Variants in ANKRD44 observed in about 807,000 individuals in gnomAD.
ANKRD44 encodes serine/threonine-protein phosphatase 6 regulatory ankyrin repeat subunit B.
In ANKRD44, 35 loss-of-function variants were observed where a neutral mutation model predicts 116.0. The ratio of observed to expected loss-of-function variants is 0.30; its 90% CI spans 0.23 to 0.40. The LOEUF (loss-of-function observed/expected upper bound fraction) is 0.40, where lower values mean the gene tolerates loss of function less well. ANKRD44 is among the 10% of genes least tolerant of loss of function. ANKRD44 has a pLI of 1.00. For synonymous variants in ANKRD44, 435 were observed against 461.8 expected, an observed-to-expected ratio of 0.94 and a Z score of 0.74; for missense variants, 1,014 against 1,242.6, an observed-to-expected ratio of 0.82 and a Z score of 2.77.
chr2:197,103,621 T>C (rs1212757251), intron 9 of ANKRD44, among the ~76,000 whole-genome samples: 1 of 152,216 alleles, frequency 6.6e-6, no homozygotes, highest in Non-Finnish European at 1.5e-5. Flanking sequence ...GGATAAGTAA[T>C]ATAAATATGA....
chr2:197,012,531 C>A (rs73049623), intron 18 of ANKRD44, among the ~76,000 whole-genome samples: 1 of 151,214 alleles, frequency 6.6e-6, no homozygotes, highest in Non-Finnish European at 1.5e-5. Context: ...TATTACTAAC[C>A]TTATGGCTAA....
At position 197,248,791 on chromosome 2, in the gene ANKRD44, C is replaced by A. The variant is rs144435242; in HGVS notation, c.28-61685G>T. Among the ~76,000 whole-genome samples the A allele has an allele frequency of 7.9e-5, 12 of 151,936 alleles. No homozygotes were observed. In the East Asian group the frequency reaches 1.2e-3, roughly 15 times the overall value. On this transcript the variant is annotated intron_variant, in intron 1 of 27. Transcript: ENST00000282272. The stretch of plus-strand genomic sequence containing the variant: ...AGGAAGTCAAAGCAGGGGTAGCATG[C>A]GGTGTCCATGTGGCAGGAGATACTG...
At chr2:197,291,221 A>G (rs2083561003) in intron 1 of ANKRD44, among the ~76,000 whole-genome samples, 1 of 152,008 alleles carries the variant, frequency 6.6e-6, no homozygotes, top group Non-Finnish European at 1.5e-5. Flanking sequence ...AAAAATAAAT[A>G]AGATGTGGCC....
At chr2:197,153,870 G>C (rs1389574584) in intron 2 of ANKRD44, among the ~76,000 whole-genome samples, 1 of 152,144 alleles carries the variant, frequency 6.6e-6, no homozygotes, top group African/African-American at 2.4e-5. Context: ...GGAAGGGAGA[G>C]AGAGAGAGAA....
Position 196,993,646 on chromosome 2 carries a change from A to T in ANKRD44, c.2860T>A (p.Leu954Ile). The change falls in exon 27 of 28, where the codon TTA becomes ATA. Residue 954 changes from leucine to isoleucine, a missense_variant. Coordinates refer to ENST00000282272, the MANE Select transcript of ANKRD44 (RefSeq NM_001195144.2). The stretch of plus-strand genomic sequence containing the variant: ...AGCAACTCCTCAACTACCACCTTTA[A>T]GCCATTGCGCGCAGCGACGTGGAGG... The part of the protein sequence containing the change: ...TPLHVAARNG[L>I]KVVVEELLAK... 1 of 1,551,092 alleles carries T rather than the reference A, an allele frequency of 6.4e-7. No homozygotes were observed. Among genetic ancestry groups the T allele is most frequent in the South Asian group, 1.2e-5 (1 of 84,066 alleles).
At chr2:197,121,829 A>G (rs2078861387) in intron 7 of ANKRD44, among the ~76,000 whole-genome samples, 1 of 152,202 alleles carries the variant, frequency 6.6e-6, no homozygotes, top group African/African-American at 2.4e-5. Flanking sequence ...TGAAGGGCAA[A>G]GCTGCTTTCA....
At chr2:197,255,166 T>G (rs571329334) in intron 1 of ANKRD44, among the ~76,000 whole-genome samples, 1 of 152,234 alleles carries the variant, frequency 6.6e-6, no homozygotes, top group South Asian at 2.1e-4. Context: ...AGGCGGTCTT[T>G]AGAAAAGGAA....
chr2:197,278,411 C>T (rs952804931), intron 1 of ANKRD44, among the ~76,000 whole-genome samples: 4 of 152,138 alleles, frequency 2.6e-5, no homozygotes, highest in Admixed American at 2.6e-4. Context: ...GGCTGGAGTG[C>T]AGTGGTGTGA....
chr2:196,970,338 A>G (rs1261779155), intron 21 of ANKRD44, among the ~76,000 whole-genome samples: 1 of 152,208 alleles, frequency 6.6e-6, no homozygotes, highest in Non-Finnish European at 1.5e-5. Context: ...CAGAACAAAA[A>G]AAATGTTAGA....
At chr2:197,005,626 T>C in intron 21 of ANKRD44, 68 bp downstream of exon 21, 1 of 1,389,588 alleles carries the variant, frequency 7.2e-7, no homozygotes, top group South Asian at 1.2e-5. Context: ...GGCTCTCACC[T>C]CCACTGAGCT....
chr2:197,163,193 A>T (rs567141305), intron 2 of ANKRD44, among the ~76,000 whole-genome samples: 4 of 152,258 alleles, frequency 2.6e-5, no homozygotes, highest in African/African-American at 9.6e-5. Context: ...CATGACTTGA[A>T]CCTGACTTAC....
intron 1 of ANKRD44, among the ~76,000 whole-genome samples, chr2:197,280,489 G>A (rs559963107): frequency 1.3e-5 from 2 of 152,282 alleles, no homozygotes; most frequent in South Asian, 4.1e-4. Context: ...TCAGTTACCT[G>A]TGCCTGAACC....
At position 196,989,655 on chromosome 2, in the gene ANKRD44, G is replaced by T. The variant is rs1249258988; in HGVS notation, c.2924-6C>A. 1 of 1,550,108 alleles carries T rather than the reference G, an allele frequency of 6.5e-7. No homozygotes were observed. The highest frequency in any genetic ancestry group is 2.4e-5 in the East Asian group (1 of 40,896). ...GGGTCCATTTGACCTAGAAGCTTTGGCAGAGGGAGCAGACACAGTATTCAC... is the reference window on the plus strand; with the variant it reads ...GGGTCCATTTGACCTAGAAGCTTTGTCAGAGGGAGCAGACACAGTATTCAC... On this transcript the variant is annotated splice_region_variant and splice_polypyrimidine_tract_variant and intron_variant, in intron 27 of 27. Transcript: ENST00000282272.
chr2:197,055,080 G>A (rs902214910), intron 16 of ANKRD44, among the ~76,000 whole-genome samples: 1 of 152,178 alleles, frequency 6.6e-6, no homozygotes, highest in African/African-American at 2.4e-5. Context: ...AACACTGTAA[G>A]ATAATGAATT....
chr2:197,100,438 A>AAAAAAG lies in ANKRD44; in HGVS notation c.986-514_986-509dup, dbSNP rs536380622. ...CGACAGAGCGAGACTCCGTCTCAAA[A>AAAAAAG]AAAAAGAAAAAGAAAAAGAAAAAGA... is the stretch of plus-strand genomic sequence containing the variant. On this transcript the variant is annotated intron_variant, in intron 9 of 27. Coordinates refer to ENST00000282272, the MANE Select transcript of ANKRD44 (RefSeq NM_001195144.2). 1.5e-3 allele frequency among the ~76,000 whole-genome samples: 228 copies of AAAAAAG among 152,272 alleles called. 4 individuals carry two copies. In the East Asian group the frequency reaches 0.029, roughly 20 times the overall value.
Position 197,039,667 on chromosome 2 carries a change from TTGTGTGTGTGTGCGTGTGTG to T in ANKRD44, c.1651-14420_1651-14401del, listed in dbSNP as rs1409340653. Among the ~76,000 whole-genome samples the T allele has an allele frequency of 2.3e-4, 30 of 128,424 alleles. No homozygotes were observed. The South Asian group carries it at 5.8e-3, about 25-fold the overall frequency. 84.3% of individuals were successfully genotyped at this position (128,424 alleles called of 152,430 possible). A position where few individuals can be genotyped will look rare whatever the true frequency, so the allele number is the denominator to read the frequency against. The stretch of plus-strand genomic sequence containing the variant: ...CTGCATTACATGTGTGTGGTGGTGA[TTGTGTGTGTGTGCGTGTGTG>T]TGTGTGTGTGTGTGTGTGTGTGTGT... On this transcript the variant is annotated intron_variant, in intron 16 of 27. Transcript: ENST00000282272.
intron 16 of ANKRD44, among the ~76,000 whole-genome samples, chr2:197,070,806 T>C (rs571808599): frequency 2.6e-5 from 4 of 152,326 alleles, no homozygotes; most frequent in Non-Finnish European, 4.4e-5. Flanking sequence ...AAAGACTGTG[T>C]AGAATTATGT....
intron 1 of ANKRD44, among the ~76,000 whole-genome samples, chr2:197,270,408 T>C (rs996520860): frequency 6.6e-6 from 1 of 151,722 alleles, no homozygotes; most frequent in Non-Finnish European, 1.5e-5. Flanking sequence ...TAAAGAATAA[T>C]CCCCACAGTT....
chr2:197,106,814 T>A (rs1337472367), intron 9 of ANKRD44, among the ~76,000 whole-genome samples: 97 of 130,796 alleles, frequency 7.4e-4, no homozygotes, highest in Middle Eastern at 3.7e-3. Flanking sequence ...ATATTTTTTT[T>A]TTTTTTTCAG....
Sources: allele counts gnomAD v4.1 joint callset (sites outside exome capture counted in the v4.1 genomes callset), GRCh38; gene constraint gnomAD v4.1.1; transcripts MANE v1.5; gene names NCBI Gene and HGNC (gene_info 2026-07-23, HGNC 2026-07-21).